The following ATE1 variants were observed in gnomAD, a reference collection of about 807,000 sequenced individuals.
ATE1 encodes arginyl-tRNA--protein transferase 1.
A neutral mutation model predicts 70.5 loss-of-function variants in ATE1; 36 were observed. The ratio of observed to expected loss-of-function variants is 0.51; its 90% CI spans 0.39 to 0.67. The LOEUF is 0.67. Ranked by LOEUF, ATE1 falls within the 30% of genes least tolerant of loss-of-function variation. The pLI is 0.00. For synonymous variants in ATE1, 232 were observed against 219.3 expected, an observed-to-expected ratio of 1.06 and a Z score of -0.51; for missense variants, 593 against 629.5, an observed-to-expected ratio of 0.94 and a Z score of 0.62.
chr10:121,774,610 G>A (rs1435519524), intron 11 of ATE1, among the ~76,000 whole-genome samples: 1 of 152,146 alleles, frequency 6.6e-6, no homozygotes, highest in Admixed American at 6.5e-5. Context: ...TACAGAGCAC[G>A]TTCATTACAT....
chr10:121,827,018 A>AT (rs34739140), intron 10 of ATE1, among the ~76,000 whole-genome samples: 3,160 of 146,090 alleles, frequency 0.022, 86 homozygotes, highest in African/African-American at 0.073. Flanking sequence ...ATGGGCAATA[A>AT]TTTTTTTTTT....
At chr10:121,803,093 G>A (rs79652084) in intron 10 of ATE1, among the ~76,000 whole-genome samples, 7,948 of 152,158 alleles carry the variant, frequency 0.052, 349 homozygotes, top group East Asian at 0.22. Context: ...CTTATATGCT[G>A]TGTTTCTCTT....
intron 8 of ATE1, among the ~76,000 whole-genome samples, chr10:121,856,938 A>G (rs979481572): frequency 1.3e-5 from 2 of 152,236 alleles, no homozygotes; most frequent in African/African-American, 4.8e-5. Flanking sequence ...AAAAAAGCTA[A>G]CATCATACCT....
intron 1 of ATE1, chr10:121,926,880 A>G: frequency 1.0e-6 from 1 of 985,418 alleles, no homozygotes. Flanking sequence ...CCTCACTTCT[A>G]ACGATTGCAT....
chr10:121,789,568 G>A (rs1209777450), intron 11 of ATE1, among the ~76,000 whole-genome samples: 4 of 151,958 alleles, frequency 2.6e-5, no homozygotes, highest in African/African-American at 9.7e-5. Context: ...CAAAGTGCTG[G>A]GATTATAGGT....
intron 10 of ATE1, among the ~76,000 whole-genome samples, chr10:121,829,013 T>C (rs575515547): frequency 6.6e-6 from 1 of 152,306 alleles, no homozygotes; most frequent in African/African-American, 2.4e-5. Flanking sequence ...ATTACCTATG[T>C]CCTCCTAAGT....
At chr10:121,817,393 G>T (rs1457666949) in intron 10 of ATE1, among the ~76,000 whole-genome samples, 2 of 152,180 alleles carry the variant, frequency 1.3e-5, no homozygotes, top group African/African-American at 4.8e-5. Context: ...AAAAAAATTA[G>T]CCGGGCGCAG....
At chr10:121,916,596 G>C (rs1951669110) in intron 3 of ATE1, among the ~76,000 whole-genome samples, 1 of 152,298 alleles carries the variant, frequency 6.6e-6, no homozygotes, top group Middle Eastern at 3.4e-3. Context: ...AACACTTTGG[G>C]AGGCTGAGGC....
chr10:121,797,637 G>A (rs542621587), intron 10 of ATE1, among the ~76,000 whole-genome samples: 139 of 150,748 alleles, frequency 9.2e-4, no homozygotes, highest in Non-Finnish European at 1.5e-3. Flanking sequence ...ATAAGGCCCT[G>A]AGTGGCACGG....
intron 11 of ATE1, among the ~76,000 whole-genome samples, chr10:121,756,095 G>A (rs542108198): frequency 6.6e-6 from 1 of 152,274 alleles, no homozygotes; most frequent in East Asian, 1.9e-4. Flanking sequence ...CAGGCATTAG[G>A]TAAATATAGC....
At chr10:121,831,854 C>T (rs1948251699) in intron 10 of ATE1, among the ~76,000 whole-genome samples, 1 of 152,148 alleles carries the variant, frequency 6.6e-6, no homozygotes. Context: ...AATCAGTCAT[C>T]TTTTATAATG....
At chr10:121,926,973 A>T in intron 1 of ATE1, 1 of 985,448 alleles carries the variant, frequency 1.0e-6, no homozygotes, top group Non-Finnish European at 1.2e-6. Context: ...ACCGTTATCG[A>T]CCAAATCATT....
At chr10:121,905,074 C>T (rs1951137374) in intron 5 of ATE1, among the ~76,000 whole-genome samples, 1 of 152,142 alleles carries the variant, frequency 6.6e-6, no homozygotes, top group Non-Finnish European at 1.5e-5. Flanking sequence ...CACAAGCTGC[C>T]TGAGGTCATG....
intron 7 of ATE1, among the ~76,000 whole-genome samples, chr10:121,890,939 C>T (rs563356864): frequency 1.3e-5 from 2 of 152,070 alleles, no homozygotes; most frequent in South Asian, 4.1e-4. Flanking sequence ...TTTACAAAGT[C>T]CTATATTATT....
intron 8 of ATE1, among the ~76,000 whole-genome samples, chr10:121,855,196 C>T (rs1949201074): frequency 6.6e-6 from 1 of 152,188 alleles, no homozygotes; most frequent in Admixed American, 6.5e-5. Flanking sequence ...ACTTATTAAA[C>T]TTTTGCTCCA....
chr10:121,872,953 T>A (rs2134042576), intron 7 of ATE1, among the ~76,000 whole-genome samples: 1 of 152,268 alleles, frequency 6.6e-6, no homozygotes, highest in Non-Finnish European at 1.5e-5. Flanking sequence ...AAATGTAATA[T>A]GTTTTACAAA....
At chr10:121,794,094 C>T (rs1345489529) in intron 10 of ATE1, among the ~76,000 whole-genome samples, 2 of 152,188 alleles carry the variant, frequency 1.3e-5, no homozygotes, top group Non-Finnish European at 2.9e-5. Context: ...AATTTGGTAA[C>T]TTACTGAATT....
intron 7 of ATE1, among the ~76,000 whole-genome samples, chr10:121,884,178 C>A (rs965096446): frequency 6.8e-6 from 1 of 148,050 alleles, no homozygotes; most frequent in Non-Finnish European, 1.5e-5. Flanking sequence ...ACTCATGTTA[C>A]CTTAGGCAAA....
At chr10:121,909,778 G>C (rs1951348009) in intron 5 of ATE1, among the ~76,000 whole-genome samples, 1 of 152,184 alleles carries the variant, frequency 6.6e-6, no homozygotes, top group Non-Finnish European at 1.5e-5. Flanking sequence ...TGGGCACAGT[G>C]GCTCATGCCT....
Sources: gnomAD v4.1 joint callset for allele counts (sites outside exome capture counted in the v4.1 genomes callset) on GRCh38, gnomAD v4.1.1 for gene constraint, MANE v1.5 for transcripts, NCBI Gene and HGNC (gene_info 2026-07-23, HGNC 2026-07-21) for gene names.